The following RASAL2 variants were observed in gnomAD, a reference collection of about 807,000 sequenced individuals.
RASAL2 encodes RAS protein activator like 2.
A neutral mutation model predicts 128.9 loss-of-function variants in RASAL2; 58 were observed. That is an observed-to-expected ratio of 0.45 (90% CI 0.36 to 0.56). The LOEUF (loss-of-function observed/expected upper bound fraction) is 0.56, where lower values mean the gene tolerates loss of function less well. Ranked by LOEUF, RASAL2 falls within the 20% of genes least tolerant of loss-of-function variation. The probability of loss-of-function intolerance (pLI) is 0.00; values close to 1 mark genes in which losing one functional copy is unlikely to be tolerated. For synonymous variants in RASAL2, 561 were observed against 580.8 expected (o/e 0.97, Z 0.49); for missense variants, 1,360 against 1,601.6 (o/e 0.85, Z 2.57).
chr1:178,425,316 T>G (rs890225057), intron 5 of RASAL2, among the ~76,000 whole-genome samples: 7 of 152,176 alleles, frequency 4.6e-5, no homozygotes. Context: ...AAAGGTAAAA[T>G]TCCAGTTTTT....
At chr1:178,391,774 T>TA (rs1282399039) in intron 4 of RASAL2, among the ~76,000 whole-genome samples, 1 of 152,188 alleles carries the variant, frequency 6.6e-6, no homozygotes, top group Non-Finnish European at 1.5e-5. Flanking sequence ...ATATTTAACT[T>TA]AGAGTTGTTT....
chr1:178,419,140 C>A (rs1674970404), intron 4 of RASAL2, among the ~76,000 whole-genome samples: 1 of 152,076 alleles, frequency 6.6e-6, no homozygotes, highest in Non-Finnish European at 1.5e-5. Context: ...CCTAGTATTT[C>A]TTTTTCTTCA....
At chr1:178,379,364 C>T (rs1672154703) in intron 3 of RASAL2, among the ~76,000 whole-genome samples, 1 of 149,022 alleles carries the variant, frequency 6.7e-6, no homozygotes, top group African/African-American at 2.5e-5. Flanking sequence ...CAGAGCAAGA[C>T]CCTGTCTTGA....
intron 3 of RASAL2, among the ~76,000 whole-genome samples, chr1:178,361,450 A>G (rs1671102744): frequency 2.0e-5 from 3 of 152,186 alleles, no homozygotes; most frequent in Admixed American, 2.0e-4. Context: ...TTCTGTAATA[A>G]TGTATACATT....
chr1:178,283,117 T>C (rs1302480032), intron 1 of RASAL2, among the ~76,000 whole-genome samples: 1 of 152,156 alleles, frequency 6.6e-6, no homozygotes, highest in Admixed American at 6.5e-5. Context: ...GTAAAGCCAT[T>C]TGGAAGGCCT....
chr1:178,302,234 A>G (rs115116345), intron 3 of RASAL2, among the ~76,000 whole-genome samples: 1 of 152,328 alleles, frequency 6.6e-6, no homozygotes, highest in Non-Finnish European at 1.5e-5. Context: ...GCCAGTCGCT[A>G]AGAGTGAAAA....
chr1:178,389,517 G>GT (rs1356210719), intron 3 of RASAL2, among the ~76,000 whole-genome samples: 1 of 152,170 alleles, frequency 6.6e-6, no homozygotes, highest in Non-Finnish European at 1.5e-5. Flanking sequence ...TAAGATCTTA[G>GT]TAAGGTCATA....
intron 3 of RASAL2, among the ~76,000 whole-genome samples, chr1:178,328,890 C>CAGCT (rs1439274709): frequency 6.6e-6 from 1 of 152,282 alleles, no homozygotes; most frequent in East Asian, 1.9e-4. Context: ...TACTAACAGG[C>CAGCT]AGCTGTGAGA....
chr1:178,165,656 GTTT>G lies in RASAL2; in HGVS notation c.202+70966_202+70968del, dbSNP rs552890744. On this transcript the variant is annotated intron_variant, in intron 1 of 17. Coordinates refer to ENST00000367649, the MANE Select transcript of RASAL2 (RefSeq NM_170692.4). The stretch of plus-strand genomic sequence containing the variant: ...TAGAAACAGTGGACATGGTGATTGA[GTTT>G]TTTATTGAGTCAACTTTTAGAGCCA... 1.0e-3 allele frequency among the ~76,000 whole-genome samples: 154 copies of G among 152,208 alleles called. 1 individual carries two copies. Among genetic ancestry groups the G allele is most frequent in the African/African-American group, 3.4e-3 (140 of 41,540 alleles).
intron 3 of RASAL2, among the ~76,000 whole-genome samples, chr1:178,373,031 T>C (rs1671798529): frequency 6.6e-6 from 1 of 152,086 alleles, no homozygotes; most frequent in Non-Finnish European, 1.5e-5. Context: ...TTCAAATTTA[T>C]CTTTCTTATA....
intron 3 of RASAL2, among the ~76,000 whole-genome samples, chr1:178,363,753 C>T (rs1430002318): frequency 1.3e-5 from 2 of 152,118 alleles, no homozygotes; most frequent in African/African-American, 4.8e-5. Flanking sequence ...TTTTGAAAAA[C>T]AATCAGACTA....
At chr1:178,108,227 T>C (rs1659169699) in intron 1 of RASAL2, among the ~76,000 whole-genome samples, 1 of 152,220 alleles carries the variant, frequency 6.6e-6, no homozygotes, top group African/African-American at 2.4e-5. Flanking sequence ...TTTTATTGCT[T>C]ATTGGCCATT....
rs145082890 is a variant in RASAL2, at chr1:178,474,787, G to A, written c.*1548G>A. 3 of 151,954 alleles carry A rather than the reference G, an allele frequency of 2.0e-5. No homozygotes were observed. The highest frequency in any genetic ancestry group is 7.3e-5 in the African/African-American group (3 of 41,348). The allele number at this position is 151,954 out of a possible 1,614,324, so 9.4% of individuals were successfully genotyped here. A position where few individuals can be genotyped will look rare whatever the true frequency, so the allele number is the denominator to read the frequency against. On this transcript the variant is annotated 3_prime_UTR_variant, in exon 18 of 18. Transcript: ENST00000367649. The stretch of plus-strand genomic sequence containing the variant: ...GCTGTTCAGATATAATGTTAAAAGG[G>A]TCTCAAACCTCTTTAAGCAAGATCT...
chr1:178,323,501 G>T (rs971852018), intron 3 of RASAL2, among the ~76,000 whole-genome samples: 1 of 152,090 alleles, frequency 6.6e-6, no homozygotes, highest in Admixed American at 6.6e-5. Flanking sequence ...CACAGCCACA[G>T]GACTATAAGC....
intron 1 of RASAL2, among the ~76,000 whole-genome samples, chr1:178,126,350 G>C: frequency 6.6e-6 from 1 of 152,164 alleles, no homozygotes; most frequent in East Asian, 1.9e-4. Context: ...AATAAATGCT[G>C]TAAGTAGAAA....
chr1:178,169,374 C>T (rs995303925), intron 1 of RASAL2, among the ~76,000 whole-genome samples: 2 of 152,108 alleles, frequency 1.3e-5, no homozygotes, highest in Non-Finnish European at 2.9e-5. Flanking sequence ...ATTTTTACAT[C>T]TCTTTTAGAT....
intron 3 of RASAL2, among the ~76,000 whole-genome samples, chr1:178,377,886 A>G (rs894037901): frequency 6.6e-6 from 1 of 152,118 alleles, no homozygotes; most frequent in African/African-American, 2.4e-5. Flanking sequence ...ACGTGTTAAA[A>G]TGTTAAGGAC....
intron 1 of RASAL2, among the ~76,000 whole-genome samples, chr1:178,250,740 C>G (rs1665012356): frequency 1.3e-5 from 2 of 152,198 alleles, no homozygotes; most frequent in South Asian, 4.1e-4. Context: ...AAGTTTACAA[C>G]TATGGGGACT....
At chr1:178,358,466 TTA>T (rs1670937933) in intron 3 of RASAL2, among the ~76,000 whole-genome samples, 1 of 152,094 alleles carries the variant, frequency 6.6e-6, no homozygotes, top group South Asian at 2.1e-4. Context: ...CTGCTATCTA[TTA>T]ATAGGCTGAG....
Sources: allele counts gnomAD v4.1 joint callset (sites outside exome capture counted in the v4.1 genomes callset), GRCh38; gene constraint gnomAD v4.1.1; transcripts MANE v1.5; gene names NCBI Gene and HGNC (gene_info 2026-07-23, HGNC 2026-07-21).